GNB4: variants seen among roughly 807,000 people sequenced by gnomAD.
The protein encoded by GNB4 is G protein subunit beta 4.
In GNB4, 28 loss-of-function variants were observed where a neutral mutation model predicts 45.2. The ratio of observed to expected loss-of-function variants is 0.62; its 90% CI spans 0.46 to 0.85. The LOEUF is 0.85. Ranked by LOEUF, GNB4 falls within the 40% of genes least tolerant of loss-of-function variation. The pLI, the probability that GNB4 is intolerant of heterozygous loss-of-function variation, is 0.00. For synonymous variants in GNB4, 132 were observed against 143.7 expected, an observed-to-expected ratio of 0.92 and a Z score of 0.58; for missense variants, 321 against 425.4, an observed-to-expected ratio of 0.75 and a Z score of 2.16.
At chr3:179,470,688 G>A in the GNB4 span, among the ~76,000 whole-genome samples, 1 of 151,786 alleles carries the variant, frequency 6.6e-6, no homozygotes, top group Non-Finnish European at 1.5e-5. Flanking sequence ...GGGACTACAG[G>A]CACGTGCCAC....
At chr3:179,501,639 C>T in the GNB4 span, among the ~76,000 whole-genome samples, 1 of 152,104 alleles carries the variant, frequency 6.6e-6, no homozygotes, top group African/African-American at 2.4e-5. Flanking sequence ...TTGCCTATTT[C>T]TTATTTCCTC....
chr3:179,406,707 G>A (rs1020044772), intron 8 of GNB4, among the ~76,000 whole-genome samples: 1 of 152,018 alleles, frequency 6.6e-6, no homozygotes, highest in African/African-American at 2.4e-5. Flanking sequence ...CTGCCTCCTG[G>A]GTTCAAGTGC....
the GNB4 span, among the ~76,000 whole-genome samples, chr3:179,499,515 A>G: frequency 1.3e-5 from 2 of 152,164 alleles, no homozygotes. Flanking sequence ...GGCTGGTTCT[A>G]AGTCTTTGCT....
chr3:179,463,946 C>A, the GNB4 span, among the ~76,000 whole-genome samples: 1 of 152,282 alleles, frequency 6.6e-6, no homozygotes, highest in East Asian at 1.9e-4. Flanking sequence ...GTATTATATA[C>A]TTAATATTTG....
chr3:179,432,883 T>C (rs969905779), intron 1 of GNB4, among the ~76,000 whole-genome samples: 2 of 152,094 alleles, frequency 1.3e-5, no homozygotes, highest in Admixed American at 6.5e-5. Flanking sequence ...TGTCTGAAGC[T>C]TTGTGATGTG....
chr3:179,409,645 A>C (rs1351242919), intron 8 of GNB4, among the ~76,000 whole-genome samples: 1 of 151,856 alleles, frequency 6.6e-6, no homozygotes, highest in East Asian at 1.9e-4. Flanking sequence ...CCCCTTCTCT[A>C]CTAAAAATTC....
intron 1 of GNB4, among the ~76,000 whole-genome samples, chr3:179,444,168 C>T (rs1007467356): frequency 1.3e-5 from 2 of 152,160 alleles, no homozygotes; most frequent in East Asian, 1.9e-4. Flanking sequence ...AATTTACATA[C>T]TAACCTATCT....
chr3:179,484,314 A>G, the GNB4 span, among the ~76,000 whole-genome samples: 3 of 152,250 alleles, frequency 2.0e-5, no homozygotes, highest in Non-Finnish European at 4.4e-5. Context: ...CTGTTCCTCC[A>G]GATAAAAATT....
the GNB4 span, among the ~76,000 whole-genome samples, chr3:179,480,082 A>T: frequency 6.6e-6 from 1 of 152,230 alleles, no homozygotes; most frequent in South Asian, 2.1e-4. Flanking sequence ...TTGTTAAAAA[A>T]GCAAGGTTTG....
chr3:179,434,871 A>G (rs979735236), intron 1 of GNB4, among the ~76,000 whole-genome samples: 1 of 152,080 alleles, frequency 6.6e-6, no homozygotes, highest in African/African-American at 2.4e-5. Flanking sequence ...CTATGCCTGC[A>G]CCACTGTACT....
the GNB4 span, among the ~76,000 whole-genome samples, chr3:179,524,011 C>G: frequency 6.6e-6 from 1 of 152,104 alleles, no homozygotes; most frequent in African/African-American, 2.4e-5. Context: ...GAAGCCTGGC[C>G]ATCAATACCC....
the GNB4 span, among the ~76,000 whole-genome samples, chr3:179,498,395 T>C: frequency 6.6e-6 from 1 of 152,188 alleles, no homozygotes; most frequent in Non-Finnish European, 1.5e-5. Flanking sequence ...ATACCATTGA[T>C]GGGAGTGGAA....
intron 4 of GNB4, among the ~76,000 whole-genome samples, chr3:179,417,471 G>A (rs58230199): frequency 0.013 from 1,890 of 150,158 alleles, 37 homozygotes; most frequent in African/African-American, 0.044. Flanking sequence ...GCAATGGCAC[G>A]ATCTCAGCCC....
chr3:179,406,867 A>G (rs570830552), intron 8 of GNB4, among the ~76,000 whole-genome samples: 1 of 152,234 alleles, frequency 6.6e-6, no homozygotes, highest in African/African-American at 2.4e-5. Flanking sequence ...TGCCTGCCTC[A>G]GCCTCCCAAA....
chr3:179,423,423 T>C (rs1206168496), intron 2 of GNB4, among the ~76,000 whole-genome samples: 2 of 152,214 alleles, frequency 1.3e-5, no homozygotes, highest in African/African-American at 4.8e-5. Flanking sequence ...CTTAATCCTC[T>C]GCAGAAACAT....
chr3:179,416,511 A>C lies in GNB4; in HGVS notation c.249T>G (p.Asp83Glu), dbSNP rs1714803762. The change falls in exon 5 of 10, where the codon GAT becomes GAG. Residue 83 changes from aspartate to glutamate, a missense_variant. Physicochemically the swap from Asp to Glu is conservative, Grantham distance 45. Transcript: ENST00000232564. ...ATTCTACCTTATTTGTTGTATAGCT[A>C]TCCCAAATAATTAATTTTCCATCTT... The part of the protein sequence containing the change: ...ASQDGKLIIW[D>E]SYTTNKMHAI... 4 of 1,590,592 alleles carry C rather than the reference A, an allele frequency of 2.5e-6. No individual in the cohort carries two copies. The African/African-American group carries it at 5.4e-5, about 21-fold the overall frequency.
the GNB4 span, among the ~76,000 whole-genome samples, chr3:179,489,408 G>A: frequency 6.6e-6 from 1 of 151,942 alleles, no homozygotes; most frequent in African/African-American, 2.4e-5. Context: ...GACTGAGGAG[G>A]AGGATTGTTT....
the GNB4 span, among the ~76,000 whole-genome samples, chr3:179,518,004 C>G: frequency 1.2e-4 from 18 of 152,072 alleles, no homozygotes; most frequent in Non-Finnish European, 1.8e-4. Flanking sequence ...CCCTTCTCCA[C>G]TTTCCTGGGG....
At chr3:179,490,606 G>A in the GNB4 span, among the ~76,000 whole-genome samples, 26 of 152,178 alleles carry the variant, frequency 1.7e-4, no homozygotes, top group Admixed American at 1.4e-3. Flanking sequence ...TATAAGTCCT[G>A]TTGTCCAAAG....
Sources: gnomAD v4.1 joint callset for allele counts (sites outside exome capture counted in the v4.1 genomes callset) on GRCh38, gnomAD v4.1.1 for gene constraint, MANE v1.5 for transcripts, NCBI Gene and HGNC (gene_info 2026-07-23, HGNC 2026-07-21) for gene names.